Variants in CTDP1 observed in about 807,000 individuals in gnomAD.
CTDP1 encodes RNA polymerase II subunit A C-terminal domain phosphatase.
In CTDP1, 47 loss-of-function variants were observed where a neutral mutation model predicts 91.8. The ratio of observed to expected loss-of-function variants is 0.51; its 90% CI spans 0.41 to 0.65. The LOEUF is 0.65. CTDP1 is among the 30% of genes least tolerant of loss of function. The pLI is 0.00. For missense variants in CTDP1, 1,272 were observed against 1,373.7 expected (o/e 0.93, Z 1.17); for synonymous variants, 656 against 598.5 (o/e 1.10, Z -1.40).
At position 79,753,803 on chromosome 18, in the gene CTDP1, G is replaced by A. The variant is rs755636588; in HGVS notation, c.*13G>A. 37 of 1,611,720 alleles carry A rather than the reference G, an allele frequency of 2.3e-5. No individual in the cohort carries two copies. In the Admixed American group the frequency reaches 6.0e-4, roughly 26 times the overall value. On this transcript the variant is annotated 3_prime_UTR_variant, in exon 13 of 13. Coordinates refer to ENST00000613122, the MANE Select transcript of CTDP1 (RefSeq NM_004715.5). ...CGACCTCATGTGAGCGCGGGCAGCGGGCAGGGACTGAAGCCTGACCGACCT... is the reference window on the plus strand; with the variant it reads ...CGACCTCATGTGAGCGCGGGCAGCGAGCAGGGACTGAAGCCTGACCGACCT...
intron 11 of CTDP1, among the ~76,000 whole-genome samples, chr18:79,734,805 A>G (rs2086633931): frequency 6.6e-6 from 1 of 152,256 alleles, no homozygotes; most frequent in Non-Finnish European, 1.5e-5. Context: ...TGATGTAAGC[A>G]TTCTGGTGAA....
intron 1 of CTDP1, among the ~76,000 whole-genome samples, chr18:79,687,171 C>T (rs58891406): frequency 0.3 from 17,553 of 57,654 alleles, 1,224 homozygotes; most frequent in Admixed American, 0.32. Flanking sequence ...CAGTTGGCTT[C>T]GTCAGTTCAC....
At chr18:79,726,429 T>C (rs1199421979) in intron 10 of CTDP1, among the ~76,000 whole-genome samples, 1 of 152,204 alleles carries the variant, frequency 6.6e-6, no homozygotes. Context: ...ATAAAATCAT[T>C]GTGAATTTTA....
chr18:79,697,388 C>A (rs1364935829), intron 3 of CTDP1, among the ~76,000 whole-genome samples: 3 of 152,234 alleles, frequency 2.0e-5, no homozygotes, highest in Non-Finnish European at 4.4e-5. Flanking sequence ...CCCCGATGCG[C>A]TGTTGCCAGG....
chr18:79,749,040 A>C (rs1347921765), intron 12 of CTDP1, among the ~76,000 whole-genome samples: 1 of 152,096 alleles, frequency 6.6e-6, no homozygotes, highest in East Asian at 1.9e-4. Context: ...GCGTTTCTGA[A>C]GGTGTGTCCT....
At position 79,717,397 on chromosome 18, in the gene CTDP1, T is replaced by C. The variant is rs2086236582; in HGVS notation, c.2069-138T>C. The C allele has an allele frequency of 1.4e-5, 18 of 1,262,722 alleles. No homozygotes were observed. In the South Asian group the frequency reaches 2.1e-4, roughly 15 times the overall value. 78.2% of individuals were successfully genotyped at this position (1,262,722 alleles called of 1,614,324 possible). Reference sequence around the variant, plus strand: ...CAGGGGTGCAGTCAGGTGAAGGCCCTGGTGGGATGCAGCCGAGTGAGGGCC... The same window carrying C: ...CAGGGGTGCAGTCAGGTGAAGGCCCCGGTGGGATGCAGCCGAGTGAGGGCC... On this transcript the variant is annotated intron_variant, in intron 8 of 12. Transcript: ENST00000613122.
intron 1 of CTDP1, among the ~76,000 whole-genome samples, chr18:79,685,956 A>G (rs985669359): frequency 6.6e-6 from 1 of 152,208 alleles, no homozygotes; most frequent in African/African-American, 2.4e-5. Context: ...TAAAAAAGAT[A>G]TTTGTGCCTA....
intron 3 of CTDP1, 30 bp downstream of exon 3, chr18:79,696,100 G>C: frequency 6.3e-7 from 1 of 1,594,294 alleles, no homozygotes; most frequent in Non-Finnish European, 8.6e-7. Context: ...CGGCGTGTTG[G>C]GGAAGCGTGG....
Position 79,743,147 on chromosome 18 carries a change from C to T in CTDP1, c.2747+6626C>T, listed in dbSNP as rs551998102. Among the ~76,000 whole-genome samples the T allele has an allele frequency of 3.4e-4, 52 of 152,268 alleles. No homozygotes were observed. The South Asian group carries it at 1.0e-2, about 29-fold the overall frequency. On this transcript the variant is annotated intron_variant, in intron 12 of 12. Coordinates refer to ENST00000613122, the MANE Select transcript of CTDP1 (RefSeq NM_004715.5). ...CAAGAAGGTTGGTCTCACCGTGCTCCGAGTGTGCACCTGTTCCCTGTCCTG... is the reference window on the plus strand; with the variant it reads ...CAAGAAGGTTGGTCTCACCGTGCTCTGAGTGTGCACCTGTTCCCTGTCCTG...
Position 79,717,687 on chromosome 18 carries a change from G to C in CTDP1, c.2210+11G>C. On this transcript the variant is annotated intron_variant, in intron 9 of 12. Transcript: ENST00000613122. The stretch of plus-strand genomic sequence containing the variant: ...CACCAAGGCACAGAGGTGGGTCCTC[G>C]CTGCACCCAGCAGGTCCGTGCCAGG... The C allele has an allele frequency of 6.2e-7, 1 of 1,613,958 alleles. No individual in the cohort carries two copies. Among genetic ancestry groups the C allele is most frequent in the Middle Eastern group, 1.6e-4 (1 of 6,062 alleles).
chr18:79,730,143 T>G (rs182503151), intron 11 of CTDP1, among the ~76,000 whole-genome samples: 166 of 152,378 alleles, frequency 1.1e-3, no homozygotes, highest in Non-Finnish European at 1.9e-3. Flanking sequence ...TGAGGTGTGC[T>G]GAATTTCTCT....
At chr18:79,724,578 T>C (rs1256790314) in intron 10 of CTDP1, among the ~76,000 whole-genome samples, 2 of 152,240 alleles carry the variant, frequency 1.3e-5, no homozygotes, top group Non-Finnish European at 2.9e-5. Context: ...TTCCATCTGC[T>C]AGTCCTTGGT....
intron 11 of CTDP1, among the ~76,000 whole-genome samples, chr18:79,729,833 G>A (rs934550172): frequency 3.9e-5 from 6 of 152,196 alleles, no homozygotes; most frequent in Admixed American, 2.0e-4. Flanking sequence ...CATGGGTGGC[G>A]CCTGTGTGGG....
intron 1 of CTDP1, among the ~76,000 whole-genome samples, chr18:79,694,194 T>C (rs60485868): frequency 0.029 from 3,676 of 128,306 alleles, 178 homozygotes; most frequent in African/African-American, 0.11. Context: ...TGCTGAGTGC[T>C]GGGCGGCCTC....
At chr18:79,717,432 G>C in intron 8 of CTDP1, 103 bp from the exon 9 acceptor site, 2 of 1,538,180 alleles carry the variant, frequency 1.3e-6, no homozygotes, top group South Asian at 2.3e-5. Context: ...CCTGAGCCCT[G>C]GTGGGGTACA....
In CTDP1 at chr18:79,753,924, G is replaced by A; in HGVS notation, c.*134G>A. On this transcript the variant is annotated 3_prime_UTR_variant, in exon 13 of 13. Coordinates refer to ENST00000613122, the MANE Select transcript of CTDP1 (RefSeq NM_004715.5). ...GTATATTTGCAGAGCTCCACATACA[G>A]AAACACATTATTTTGCAGAAATAGG... is the stretch of plus-strand genomic sequence containing the variant. The A allele has an allele frequency of 8.2e-7, 1 of 1,217,242 alleles. No homozygotes were observed. The allele number at this position is 1,217,242 out of a possible 1,614,324, so 75.4% of individuals were successfully genotyped here.
chr18:79,739,551 T>G lies in CTDP1; in HGVS notation c.2747+3030T>G, dbSNP rs559875219. On this transcript the variant is annotated intron_variant, in intron 12 of 12. Transcript: ENST00000613122. ...GAGCATGATTAGAAAACCCCTCGGC[T>G]CTGGCGCGGCTTCCATGCTGCCCTC... is the stretch of plus-strand genomic sequence containing the variant. Among the ~76,000 whole-genome samples the G allele has an allele frequency of 1.8e-3, 273 of 152,248 alleles. 1 individual carries two copies. The highest frequency in any genetic ancestry group is 6.2e-3 in the African/African-American group (256 of 41,538).
chr18:79,746,297 C>G (rs2086878854), intron 12 of CTDP1, among the ~76,000 whole-genome samples: 4 of 109,208 alleles, frequency 3.7e-5, no homozygotes, highest in African/African-American at 1.1e-4. Context: ...CGTTCTGTCC[C>G]TGCGTCCCTC....
At chr18:79,693,922 C>T (rs930691591) in intron 1 of CTDP1, among the ~76,000 whole-genome samples, 1 of 150,996 alleles carries the variant, frequency 6.6e-6, no homozygotes, top group Non-Finnish European at 1.5e-5. Context: ...GCTGCAGACC[C>T]GCCCCTCCCA....
Sources: allele counts gnomAD v4.1 joint callset (sites outside exome capture counted in the v4.1 genomes callset), GRCh38; gene constraint gnomAD v4.1.1; transcripts MANE v1.5; gene names NCBI Gene and HGNC (gene_info 2026-07-23, HGNC 2026-07-21).